Variants in PCDHB15 observed in about 807,000 individuals in gnomAD.
The protein encoded by PCDHB15 is protocadherin beta 15, also known as protocadherin beta-15.
For missense variants in PCDHB15, 1,032 were observed against 991.7 expected (o/e 1.04, Z -0.55); for synonymous variants, 492 against 447.9 (o/e 1.10, Z -1.24).
chr5:141,248,211 A>G lies in PCDHB15; in HGVS notation c.*269A>G. 1 of 260,346 alleles carries G rather than the reference A, an allele frequency of 3.8e-6. No individual in the cohort carries two copies. Among genetic ancestry groups the G allele is most frequent in the East Asian group, 8.4e-5 (1 of 11,970 alleles). The allele number at this position is 260,346 out of a possible 1,614,324, so 16.1% of individuals were successfully genotyped here. ...GTGATATGAAAGTTAACCCCACCTA[A>G]TAAACATAACTCTAATTCTGAAATT... On this transcript the variant is annotated 3_prime_UTR_variant, in exon 1 of 1. Transcript: ENST00000231173.
rs782457221 is a variant in PCDHB15 at position 141,246,649 on chromosome 5, C to T, written c.1071C>T (p.Pro357=). 1.2e-5 allele frequency: 20 copies of T among 1,614,020 alleles called. No homozygotes were observed. In the African/African-American group the frequency reaches 1.5e-4, roughly 12 times the overall value. ...TTTCATCACTTACCAGCCCTATTCC[C>T]GAGAATTCTCCAGAGACAGAAGTGG... The part of the protein sequence containing the change: ...LSISSLTSPI[P]ENSPETEVAL... The change falls in exon 1 of 1, where the codon CCC becomes CCT. Residue 357 remains proline (P), a synonymous_variant. Coordinates refer to ENST00000231173, the MANE Select transcript of PCDHB15 (RefSeq NM_018935.4).
Position 141,247,239 on chromosome 5 carries a change from C to T in PCDHB15, c.1661C>T (p.Ala554Val). 1 of 1,611,778 alleles carries T rather than the reference C, an allele frequency of 6.2e-7. No individual in the cohort carries two copies. Among genetic ancestry groups the T allele is most frequent in the South Asian group, 1.1e-5 (1 of 90,974 alleles). ...EALVRVLVLD[A>V]NDNSPFVLYP... The stretch of plus-strand genomic sequence containing the variant: ...CTGGTGCGAGTGCTGGTGCTGGACG[C>T]CAACGACAACTCGCCCTTCGTGCTG... Residue 554 changes from alanine (A) to valine (V), a missense_variant, in exon 1 of 1, where the codon GCC becomes GTC. Physicochemically the swap from Ala to Val is moderately conservative, Grantham distance 64. Transcript: ENST00000231173.
At position 141,249,017 on chromosome 5, in the gene PCDHB15, A is replaced by G. The variant is rs1213864219; in HGVS notation, c.*1075A>G. ...CTAGAATGGTATTGCATGCAAAATA[A>G]TGACCGCCAAGATGTTCCTGCCCTA... On this transcript the variant is annotated 3_prime_UTR_variant, in exon 1 of 1. Coordinates refer to ENST00000231173, the MANE Select transcript of PCDHB15 (RefSeq NM_018935.4). 1 of 152,140 alleles carries G rather than the reference A, an allele frequency of 6.6e-6. No individual in the cohort carries two copies. Among genetic ancestry groups the G allele is most frequent in the East Asian group, 1.9e-4 (1 of 5,190 alleles). The allele number at this position is 152,140 out of a possible 1,614,324, so 9.4% of individuals were successfully genotyped here.
At position 141,245,583 on chromosome 5, in the gene PCDHB15, A is replaced by G; in HGVS notation, c.5A>G (p.Glu2Gly). 6.2e-7 allele frequency: 1 copy of G among 1,613,770 alleles called. No homozygotes were observed. Among genetic ancestry groups the G allele is most frequent in the Non-Finnish European group, 8.5e-7 (1 of 1,179,750 alleles). The part of the protein sequence containing the change: M[E>G]PAGERFPEQR... ...GGGGCGTGTACAGAAGTAAAGATGG[A>G]GCCTGCAGGGGAGCGCTTTCCCGAA... The change falls in exon 1 of 1, where the codon GAG becomes GGG. Residue 2 changes from glutamate to glycine, a missense_variant. By Grantham distance (98) the Glu-to-Gly change is moderately conservative. Coordinates refer to ENST00000231173, the MANE Select transcript of PCDHB15 (RefSeq NM_018935.4).
rs200663077 is a variant in PCDHB15 at position 141,245,772 on chromosome 5, G to A, written c.194G>A (p.Arg65Gln). 225 of 1,614,162 alleles carry A rather than the reference G, an allele frequency of 1.4e-4. 1 individual carries two copies. The East Asian group carries it at 3.9e-3, about 28-fold the overall frequency. The part of the protein sequence containing the change: ...GVGELAERGA[R>Q]VVSEDNEQGL... ...GGGGAGCTAGCCGAGCGGGGAGCCC[G>A]GGTAGTTTCTGAGGATAACGAACAA... The change falls in exon 1 of 1, where the codon CGG becomes CAG. Residue 65 changes from arginine to glutamine, a missense_variant. Physicochemically the swap from Arg to Gln is conservative, Grantham distance 43 (BLOSUM62 1). Coordinates refer to ENST00000231173, the MANE Select transcript of PCDHB15 (RefSeq NM_018935.4).
Position 141,248,031 on chromosome 5 carries a change from A to G in PCDHB15, c.*89A>G. On this transcript the variant is annotated 3_prime_UTR_variant, in exon 1 of 1. Coordinates refer to ENST00000231173, the MANE Select transcript of PCDHB15 (RefSeq NM_018935.4). The stretch of plus-strand genomic sequence containing the variant: ...TTTTTTAACCCTTTAGTAATCTTGA[A>G]TTCTACTTTTTTTTAAATTTCTACT... 1 of 1,303,334 alleles carries G rather than the reference A, an allele frequency of 7.7e-7. No homozygotes were observed. The highest frequency in any genetic ancestry group is 1.7e-5 in the South Asian group (1 of 58,326). 80.7% of individuals were successfully genotyped at this position (1,303,334 alleles called of 1,614,324 possible). A position where few individuals can be genotyped will look rare whatever the true frequency, so the allele number is the denominator to read the frequency against.
In PCDHB15 at chr5:141,246,913, T is replaced by A. The variant is rs782773491; in HGVS notation, c.1335T>A (p.Asn445Lys). ...QSITVLVSDV[N>K]DNAPAFTQTS... ...TAACCGTGCTGGTGTCGGACGTCAA[T>A]GACAACGCCCCCGCCTTCACCCAAA... is the stretch of plus-strand genomic sequence containing the variant. Residue 445 changes from asparagine to lysine, a missense_variant, in exon 1 of 1, where the codon AAT (asparagine) becomes AAA (lysine). By Grantham distance (94) the Asn-to-Lys change is moderately conservative. Transcript: ENST00000231173. The A allele has an allele frequency of 3.7e-6, 6 of 1,613,442 alleles. No homozygotes were observed. The highest frequency in any genetic ancestry group is 5.1e-6 in the Non-Finnish European group (6 of 1,179,996).
Position 141,247,660 on chromosome 5 carries a change from G to A in PCDHB15, c.2082G>A (p.Leu694=). The part of the protein sequence containing the change: ...DSLTVYLVVA[L]ASVSSLFLFS... Reference sequence around the variant, plus strand: ...TTACCGTCTACCTGGTGGTGGCATTGGCCTCGGTGTCTTCGCTCTTCCTCT... The same window carrying A: ...TTACCGTCTACCTGGTGGTGGCATTAGCCTCGGTGTCTTCGCTCTTCCTCT... The change falls in exon 1 of 1, where the codon TTG becomes TTA. Residue 694 remains leucine, a synonymous_variant. Transcript: ENST00000231173. 4.3e-6 allele frequency: 7 copies of A among 1,610,364 alleles called. No homozygotes were observed. The highest frequency in any genetic ancestry group is 5.9e-6 in the Non-Finnish European group (7 of 1,179,852).
In PCDHB15 at chr5:141,249,235, A is replaced by G. The variant is rs2149696940; in HGVS notation, c.*1293A>G. The G allele has an allele frequency of 6.6e-6, 1 of 152,394 alleles. No homozygotes were observed. The highest frequency in any genetic ancestry group is 1.5e-5 in the Non-Finnish European group (1 of 68,056). 9.4% of individuals were successfully genotyped at this position (152,394 alleles called of 1,614,324 possible). On this transcript the variant is annotated 3_prime_UTR_variant, in exon 1 of 1. Coordinates refer to ENST00000231173, the MANE Select transcript of PCDHB15 (RefSeq NM_018935.4). ...ATGAAAATAAATTTTGTTTAAGGAC[A>G]GCAGCTTCAGCTTATGCCCCAGAAT... is the stretch of plus-strand genomic sequence containing the variant.
chr5:141,248,152 T>G lies in PCDHB15; in HGVS notation c.*210T>G. 1 of 418,868 alleles carries G rather than the reference T, an allele frequency of 2.4e-6. No individual in the cohort carries two copies. Among genetic ancestry groups the G allele is most frequent in the Non-Finnish European group, 4.1e-6 (1 of 242,380 alleles). The allele number at this position is 418,868 out of a possible 1,614,324, so 25.9% of individuals were successfully genotyped here. ...TATTTTATATCAGGAAAGTTCATAT[T>G]TCTGAATAAATTAATAGTATTCATT... On this transcript the variant is annotated 3_prime_UTR_variant, in exon 1 of 1. Coordinates refer to ENST00000231173, the MANE Select transcript of PCDHB15 (RefSeq NM_018935.4).
chr5:141,246,028 T>G lies in PCDHB15; in HGVS notation c.450T>G (p.Thr150=), dbSNP rs782581274. The stretch of plus-strand genomic sequence containing the variant: ...TCCCAGAAACTAGCTCCCTTGGGAC[T>G]GTGTTTCCTCTGAAAAAAGCTCGGG... ...LKIPETSSLG[T]VFPLKKARDL... is the part of the protein sequence containing the mutation. The change falls in exon 1 of 1, where the codon ACT becomes ACG. Residue 150 remains threonine, a synonymous_variant. Transcript: ENST00000231173. The G allele has an allele frequency of 4.3e-6, 7 of 1,614,030 alleles. No homozygotes were observed. Among genetic ancestry groups the G allele is most frequent in the Middle Eastern group, 3.3e-4 (2 of 6,084 alleles).
rs1194417802 is a variant in PCDHB15 at position 141,247,773 on chromosome 5, T to G, written c.2195T>G (p.Phe732Cys). ...VGRCSVPEGP[F>C]PGHLVDVSGT... ...CGCTGCTCGGTGCCCGAGGGCCCCT[T>G]TCCAGGGCATCTGGTGGACGTGAGC... is the stretch of plus-strand genomic sequence containing the variant. Residue 732 changes from phenylalanine (F) to cysteine (C), a missense_variant, in exon 1 of 1, where the codon TTT (phenylalanine) becomes TGT (cysteine). Phe to Cys is a radical substitution (Grantham distance 205). Coordinates refer to ENST00000231173, the MANE Select transcript of PCDHB15 (RefSeq NM_018935.4). 6 of 1,614,074 alleles carry G rather than the reference T, an allele frequency of 3.7e-6. No homozygotes were observed. The highest frequency in any genetic ancestry group is 5.1e-6 in the Non-Finnish European group (6 of 1,180,038).
rs782580360 is a variant in PCDHB15 at position 141,246,805 on chromosome 5, G to A, written c.1227G>A (p.Leu409=). 1.9e-6 allele frequency: 3 copies of A among 1,614,142 alleles called. No individual in the cohort carries two copies. Among genetic ancestry groups the A allele is most frequent in the South Asian group, 2.2e-5 (2 of 91,076 alleles). ...NFYRLVTEGA[L]DRETRAEYNI... ...ACAGGCTGGTAACAGAAGGGGCGCT[G>A]GACAGAGAGACCAGAGCCGAGTACA... is the stretch of plus-strand genomic sequence containing the variant. The change falls in exon 1 of 1, where the codon CTG becomes CTA. Residue 409 remains leucine, a synonymous_variant. Transcript: ENST00000231173.
Position 141,246,686 on chromosome 5 carries a change from A to T in PCDHB15, c.1108A>T (p.Ile370Phe). The change falls in exon 1 of 1, where the codon ATT (isoleucine) becomes TTT (phenylalanine). Residue 370 changes from isoleucine (I) to phenylalanine (F), a missense_variant. Transcript: ENST00000231173. The stretch of plus-strand genomic sequence containing the variant: ...AGAGACAGAAGTGGCCCTGTTTAGG[A>T]TTAGAGACCGAGACTCTGGGGAAAA... ...SPETEVALFR[I>F]RDRDSGENGK... The T allele has an allele frequency of 6.2e-7, 1 of 1,614,166 alleles. No individual in the cohort carries two copies. Among genetic ancestry groups the T allele is most frequent in the Non-Finnish European group, 8.5e-7 (1 of 1,180,024 alleles).
In PCDHB15 at chr5:141,247,626, C is replaced by A. The variant is rs2149696243; in HGVS notation, c.2048C>A (p.Ala683Asp). Residue 683 changes from alanine (A) to aspartate (D), a missense_variant, in exon 1 of 1, where the codon GCC becomes GAC. Physicochemically the swap from Ala to Asp is moderately radical, Grantham distance 126 (BLOSUM62 -2). Transcript: ENST00000231173. Reference sequence around the variant, plus strand: ...GAGGCGGCCCCGGCCCAAGCCCAGGCCGACTCGCTTACCGTCTACCTGGTG... The same window carrying A: ...GAGGCGGCCCCGGCCCAAGCCCAGGACGACTCGCTTACCGTCTACCTGGTG... ...LPEAAPAQAQ[A>D]DSLTVYLVVA... 3 of 1,610,210 alleles carry A rather than the reference C, an allele frequency of 1.9e-6. No individual in the cohort carries two copies. The highest frequency in any genetic ancestry group is 2.5e-6 in the Non-Finnish European group (3 of 1,179,814).
chr5:141,247,058 CG>C lies in PCDHB15; in HGVS notation c.1483del (p.Asp495ThrfsTer47). On this transcript the variant is annotated frameshift_variant, in exon 1 of 1. Transcript: ENST00000231173. LOFTEE classifies it low-confidence loss of function (END_TRUNC). ...AQVTYSLLPP[R>X]DPHLPLTSLV... ...GGTCACCTACTCGCTGCTGCCGCCC[CG>C]GGACCCGCACCTGCCCCTCACCTCC... The C allele has an allele frequency of 6.8e-6, 11 of 1,613,886 alleles. No individual in the cohort carries two copies. Among genetic ancestry groups the C allele is most frequent in the Non-Finnish European group, 9.3e-6 (11 of 1,180,042 alleles).
chr5:141,246,047 G>A lies in PCDHB15; in HGVS notation c.469G>A (p.Ala157Thr), dbSNP rs1458042076. The A allele has an allele frequency of 2.2e-5, 35 of 1,613,992 alleles. No individual in the cohort carries two copies. The highest frequency in any genetic ancestry group is 2.7e-5 in the Non-Finnish European group (32 of 1,180,056). Residue 157 changes from alanine (A) to threonine (T), a missense_variant, in exon 1 of 1, where the codon GCT (alanine) becomes ACT (threonine). Physicochemically the swap from Ala to Thr is moderately conservative, Grantham distance 58. Transcript: ENST00000231173. ...TGGGACTGTGTTTCCTCTGAAAAAA[G>A]CTCGGGACTTGGACGTGGGCAGCAA... Reference protein sequence around the residue: ...SLGTVFPLKKARDLDVGSNNV... With the variant: ...SLGTVFPLKKTRDLDVGSNNV...
rs1282030388 is a variant in PCDHB15 at position 141,246,348 on chromosome 5, T to A, written c.770T>A (p.Val257Glu). Residue 257 changes from valine (V) to glutamate (E), a missense_variant, in exon 1 of 1, where the codon GTA becomes GAA. Transcript: ENST00000231173. ...YEVQVPENSPVGSLVVKVSAR... is the reference protein window; with the variant it reads ...YEVQVPENSPEGSLVVKVSAR... ...GTGCAGGTCCCAGAGAACAGCCCAGTAGGCTCCCTAGTTGTCAAGGTCTCT... is the reference window on the plus strand; with the variant it reads ...GTGCAGGTCCCAGAGAACAGCCCAGAAGGCTCCCTAGTTGTCAAGGTCTCT... 6.2e-7 allele frequency: 1 copy of A among 1,613,960 alleles called. No individual in the cohort carries two copies. Among genetic ancestry groups the A allele is most frequent in the Admixed American group, 1.7e-5 (1 of 59,992 alleles).
In PCDHB15 at chr5:141,247,799, G is replaced by C. The variant is rs782620092; in HGVS notation, c.2221G>C (p.Gly741Arg). ...TCCAGGGCATCTGGTGGACGTGAGC[G>C]GCACCGGGACCCTTTCCCAGAGCTA... ...PFPGHLVDVS[G>R]TGTLSQSYQY... Residue 741 changes from glycine (G) to arginine (R), a missense_variant, in exon 1 of 1, where the codon GGC becomes CGC. Physicochemically the swap from Gly to Arg is moderately radical, Grantham distance 125. Transcript: ENST00000231173. 2.5e-6 allele frequency: 4 copies of C among 1,614,106 alleles called. No homozygotes were observed. The highest frequency in any genetic ancestry group is 3.4e-6 in the Non-Finnish European group (4 of 1,180,044).
Sources: gnomAD v4.1 joint callset for allele counts on GRCh38, gnomAD v4.1.1 for gene constraint, MANE v1.5 for transcripts, NCBI Gene and HGNC (gene_info 2026-07-23, HGNC 2026-07-21) for gene names.